The following LRRTM4 variants were observed in gnomAD, a reference collection of about 807,000 sequenced individuals.
LRRTM4 encodes leucine rich repeat transmembrane neuronal 4.
A neutral mutation model predicts 47.6 loss-of-function variants in LRRTM4; 25 were observed. The observed-to-expected ratio is 0.53, with a 90% CI of 0.38 to 0.73. The LOEUF (loss-of-function observed/expected upper bound fraction) is 0.73, where lower values mean the gene tolerates loss of function less well. LRRTM4 is among the 30% of genes least tolerant of loss of function. The probability of loss-of-function intolerance (pLI) is 0.00; values close to 1 mark genes in which losing one functional copy is unlikely to be tolerated. For synonymous variants in LRRTM4, 311 were observed against 269.5 expected, an observed-to-expected ratio of 1.15 and a Z score of -1.51; for missense variants, 638 against 713.4, an observed-to-expected ratio of 0.89 and a Z score of 1.20.
chr2:77,487,294 T>A (rs1456409853), intron 3 of LRRTM4, among the ~76,000 whole-genome samples: 1 of 152,214 alleles, frequency 6.6e-6, no homozygotes, highest in Non-Finnish European at 1.5e-5. Context: ...GGAAGCTCCT[T>A]GCCTCTGCAG....
At chr2:77,413,199 TCCTA>T (rs1388808343) in intron 3 of LRRTM4, among the ~76,000 whole-genome samples, 1 of 152,090 alleles carries the variant, frequency 6.6e-6, no homozygotes, top group Non-Finnish European at 1.5e-5. Flanking sequence ...TTGGCAGAAA[TCCTA>T]CCTCAAAATG....
At chr2:77,094,119 C>T (rs889672135) in intron 3 of LRRTM4, among the ~76,000 whole-genome samples, 4 of 151,916 alleles carry the variant, frequency 2.6e-5, no homozygotes, top group African/African-American at 9.7e-5. Context: ...GGTAAAGATA[C>T]AAAAATCAGT....
intron 3 of LRRTM4, among the ~76,000 whole-genome samples, chr2:77,157,427 A>C (rs1465284114): frequency 2.6e-5 from 4 of 152,000 alleles, no homozygotes; most frequent in Non-Finnish European, 4.4e-5. Context: ...AATACACATA[A>C]ATTTGATGTT....
At chr2:76,795,798 A>G (rs1292575410) in intron 3 of LRRTM4, among the ~76,000 whole-genome samples, 2 of 152,000 alleles carry the variant, frequency 1.3e-5, no homozygotes, top group Non-Finnish European at 2.9e-5. Flanking sequence ...CAGAAAAGAA[A>G]AGTGAAGGGA....
chr2:77,011,561 G>A (rs937970052), intron 3 of LRRTM4, among the ~76,000 whole-genome samples: 1 of 150,984 alleles, frequency 6.6e-6, no homozygotes, highest in Admixed American at 6.6e-5. Context: ...GTGTGTGTGT[G>A]TGTGTGTGTG....
chr2:77,276,463 T>A (rs898455543), intron 3 of LRRTM4, among the ~76,000 whole-genome samples: 1 of 149,896 alleles, frequency 6.7e-6, no homozygotes, highest in Non-Finnish European at 1.5e-5. Context: ...AATCTTGTCA[T>A]AGGAAATATA....
At chr2:76,917,094 G>A (rs1487765877) in intron 3 of LRRTM4, among the ~76,000 whole-genome samples, 2 of 152,138 alleles carry the variant, frequency 1.3e-5, no homozygotes, top group Non-Finnish European at 2.9e-5. Context: ...TTTCTGCAAA[G>A]GGCCAGGAAG....
At chr2:77,162,966 G>A (rs1672774853) in intron 3 of LRRTM4, among the ~76,000 whole-genome samples, 1 of 152,206 alleles carries the variant, frequency 6.6e-6, no homozygotes, top group Non-Finnish European at 1.5e-5. Context: ...AAAGCTGGAA[G>A]GAGAATGACT....
At chr2:77,106,140 G>T (rs184763470) in intron 3 of LRRTM4, among the ~76,000 whole-genome samples, 1 of 152,178 alleles carries the variant, frequency 6.6e-6, no homozygotes, top group Admixed American at 6.5e-5. Context: ...TTTTAAAGAG[G>T]CCTTCCCTGA....
Position 76,749,582 on chromosome 2 carries a change from T to TTCATAATATGTAATGTTATTATTGG in LRRTM4, c.1552-691_1552-667dup, listed in dbSNP as rs1400739195. On this transcript the variant is annotated intron_variant, in intron 3 of 3. Coordinates refer to ENST00000409884, the MANE Select transcript of LRRTM4 (RefSeq NM_001134745.3). Reference sequence around the variant, plus strand: ...TCATGGGAGAAGGCACATCTTTATGTTCATAATATGTAATGTTATTATTGG... The same window carrying TTCATAATATGTAATGTTATTATTGG: ...TCATGGGAGAAGGCACATCTTTATGTTCATAATATGTAATGTTATTATTGGTCATAATATGTAATGTTATTATTGG... Among the ~76,000 whole-genome samples, 7 of 152,272 alleles carry TTCATAATATGTAATGTTATTATTGG rather than the reference T, an allele frequency of 4.6e-5. No individual in the cohort carries two copies. The South Asian group carries it at 1.2e-3, about 27-fold the overall frequency.
At chr2:76,852,425 A>G (rs1045613718) in intron 3 of LRRTM4, among the ~76,000 whole-genome samples, 5 of 152,148 alleles carry the variant, frequency 3.3e-5, no homozygotes, top group Non-Finnish European at 5.9e-5. Context: ...AGATCCAAAT[A>G]AAGTCCCAAT....
chr2:77,019,663 A>C (rs970658363), intron 3 of LRRTM4, among the ~76,000 whole-genome samples: 2 of 152,148 alleles, frequency 1.3e-5, no homozygotes, highest in Non-Finnish European at 2.9e-5. Context: ...AGATAAAGCC[A>C]ATTTCTTGTT....
chr2:77,360,980 C>T (rs1672184857), intron 3 of LRRTM4, among the ~76,000 whole-genome samples: 1 of 152,038 alleles, frequency 6.6e-6, no homozygotes, highest in African/African-American at 2.4e-5. Context: ...TAGGATGAAT[C>T]AAACCACTGT....
chr2:77,251,268 CACAT>C (rs959012876), intron 3 of LRRTM4, among the ~76,000 whole-genome samples: 2 of 146,330 alleles, frequency 1.4e-5, no homozygotes, highest in Admixed American at 1.4e-4. Flanking sequence ...TATACACACA[CACAT>C]ATATATATGG....
Position 77,354,392 on chromosome 2 carries a change from G to A in LRRTM4, c.1551+163926C>T, listed in dbSNP as rs549130886. ...CACCTGAAGATCTTCTTAAAATGTAGATATCTTAGACGTACTTCCTAGAAA... is the reference window on the plus strand; with the variant it reads ...CACCTGAAGATCTTCTTAAAATGTAAATATCTTAGACGTACTTCCTAGAAA... On this transcript the variant is annotated intron_variant, in intron 3 of 3. Coordinates refer to ENST00000409884, the MANE Select transcript of LRRTM4 (RefSeq NM_001134745.3). 4.9e-4 allele frequency among the ~76,000 whole-genome samples: 69 copies of A among 141,732 alleles called. 1 individual carries two copies. The South Asian group carries it at 0.016, about 33-fold the overall frequency. The allele number at this position is 141,732 out of a possible 152,430, so 93.0% of individuals were successfully genotyped here.
chr2:77,503,596 C>G (rs35286009), intron 3 of LRRTM4, among the ~76,000 whole-genome samples: 36,108 of 151,190 alleles, frequency 0.24, 4,982 homozygotes, highest in Non-Finnish European at 0.31. Context: ...GTAGTGTATT[C>G]TGTGTGTGTA....
At chr2:77,032,055 T>G (rs1428102045) in intron 3 of LRRTM4, among the ~76,000 whole-genome samples, 1 of 152,188 alleles carries the variant, frequency 6.6e-6, no homozygotes, top group Non-Finnish European at 1.5e-5. Flanking sequence ...GCAACTGTCC[T>G]GGTGCAAACC....
intron 3 of LRRTM4, among the ~76,000 whole-genome samples, chr2:76,905,964 G>A (rs1673820878): frequency 6.6e-6 from 1 of 152,024 alleles, no homozygotes; most frequent in Admixed American, 6.6e-5. Context: ...TAGCAAGGCA[G>A]GCCAACATTC....
intron 3 of LRRTM4, among the ~76,000 whole-genome samples, chr2:77,255,455 A>G (rs567881855): frequency 6.6e-6 from 1 of 152,146 alleles, no homozygotes. Flanking sequence ...CTACCCATCA[A>G]CAGGAGATTA....
Sources: gnomAD v4.1 joint callset for allele counts (sites outside exome capture counted in the v4.1 genomes callset) on GRCh38, gnomAD v4.1.1 for gene constraint, MANE v1.5 for transcripts, NCBI Gene and HGNC (gene_info 2026-07-23, HGNC 2026-07-21) for gene names.